Variants in GLRA1 observed in about 807,000 individuals in gnomAD.
The protein encoded by GLRA1 is glycine receptor subunit alpha-1.
A neutral mutation model predicts 48.3 loss-of-function variants in GLRA1; 37 were observed. The ratio of observed to expected loss-of-function variants is 0.77; its 90% CI spans 0.59 to 1.01. GLRA1 has a LOEUF of 1.01. Ranked by LOEUF, GLRA1 falls within the 50% of genes least tolerant of loss-of-function variation. GLRA1 has a pLI of 0.00. For missense variants in GLRA1, 427 were observed against 571.0 expected, an observed-to-expected ratio of 0.75 and a Z score of 2.57; for synonymous variants, 196 against 210.7, an observed-to-expected ratio of 0.93 and a Z score of 0.60.
intron 7 of GLRA1, chr5:151,850,632 G>A (rs576988233): frequency 5.7e-5 from 83 of 1,459,394 alleles, no homozygotes; most frequent in Non-Finnish European, 7.4e-5. Flanking sequence ...GCCAATCGTA[G>A]TGCCAACATA....
At chr5:151,883,583 G>A (rs747072865) in intron 3 of GLRA1, among the ~76,000 whole-genome samples, 2 of 152,250 alleles carry the variant, frequency 1.3e-5, no homozygotes, top group Admixed American at 6.5e-5. Context: ...TACACACGTG[G>A]TGAAGGAATC....
At chr5:151,858,199 C>T (rs1341083830) in intron 4 of GLRA1, among the ~76,000 whole-genome samples, 1 of 151,960 alleles carries the variant, frequency 6.6e-6, no homozygotes, top group African/African-American at 2.4e-5. Context: ...GGATGTGGGC[C>T]CCTTTAAGCA....
intron 1 of GLRA1, among the ~76,000 whole-genome samples, chr5:151,896,525 G>A (rs1754231014): frequency 6.6e-6 from 1 of 152,172 alleles, no homozygotes; most frequent in African/African-American, 2.4e-5. Context: ...TATATACACT[G>A]CTCTGAATTT....
At chr5:151,849,994 A>G (rs910903919) in intron 7 of GLRA1, 27 of 1,600,572 alleles carry the variant, frequency 1.7e-5, no homozygotes, top group Non-Finnish European at 1.8e-5. Flanking sequence ...GTACAACCGA[A>G]AGCCTGCAGT....
intron 3 of GLRA1, among the ~76,000 whole-genome samples, chr5:151,879,457 C>A (rs560298014): frequency 3.3e-5 from 5 of 152,210 alleles, no homozygotes; most frequent in African/African-American, 1.2e-4. Context: ...TGGGTTCAAG[C>A]AATTCTGCAG....
intron 7 of GLRA1, among the ~76,000 whole-genome samples, chr5:151,833,853 TTAAAC>T (rs1763494616): frequency 7.0e-6 from 1 of 143,074 alleles, no homozygotes; most frequent in African/African-American, 2.6e-5. Flanking sequence ...AAAACAGACT[TTAAAC>T]CAATAAAGAT....
rs1405777484 is a variant in GLRA1 at position 151,924,643 on chromosome 5, AT to A, written c.-95del. ...AAACCAGAAAGCGCTATTGCAAAAAATAATCCAGATGTTAAAGGGAGGCGGG... is the reference window on the plus strand; with the variant it reads ...AAACCAGAAAGCGCTATTGCAAAAAAAATCCAGATGTTAAAGGGAGGCGGG... On this transcript the variant is annotated 5_prime_UTR_variant, in exon 1 of 9. Transcript: ENST00000274576. 8 of 822,854 alleles carry A rather than the reference AT, an allele frequency of 9.7e-6. No individual in the cohort carries two copies. The highest frequency in any genetic ancestry group is 1.5e-5 in the Non-Finnish European group (7 of 457,480). The allele number at this position is 822,854 out of a possible 1,614,324, so 51.0% of individuals were successfully genotyped here.
chr5:151,904,583 A>G (rs1484204855), intron 1 of GLRA1, among the ~76,000 whole-genome samples: 3 of 152,186 alleles, frequency 2.0e-5, no homozygotes, highest in Non-Finnish European at 4.4e-5. Flanking sequence ...TTTTTGGCTG[A>G]AAAAGGGCAT....
chr5:151,851,837 G>T lies in GLRA1; in HGVS notation c.698-233C>A, dbSNP rs1023175832. Among the ~76,000 whole-genome samples the T allele has an allele frequency of 9.5e-4, 145 of 152,244 alleles. 1 individual carries two copies. The highest frequency in any genetic ancestry group is 1.5e-3 in the Non-Finnish European group (102 of 68,012). ...GATTAATGTGAGGATAAAATGAGAT[G>T]ATGCTTATGAAAAACTTAGCAGTCC... is the stretch of plus-strand genomic sequence containing the variant. On this transcript the variant is annotated intron_variant, in intron 6 of 8. Coordinates refer to ENST00000274576, the MANE Select transcript of GLRA1 (RefSeq NM_000171.4).
intron 1 of GLRA1, among the ~76,000 whole-genome samples, chr5:151,914,096 A>G (rs1754681188): frequency 6.6e-6 from 1 of 152,252 alleles, no homozygotes; most frequent in Non-Finnish European, 1.5e-5. Flanking sequence ...ACAAAATGAC[A>G]AACCAGCAGG....
At position 151,833,813 on chromosome 5, in the gene GLRA1, AAAGC is replaced by A. The variant is rs1379856544; in HGVS notation, c.913-4750_913-4747del. ...GTGGAAAGCAAAAAAAAAAAAAAAAAAAGCAGGGGTTGCAATCCTAGTTTCTGAT... is the reference window on the plus strand; with the variant it reads ...GTGGAAAGCAAAAAAAAAAAAAAAAAAGGGGTTGCAATCCTAGTTTCTGAT... On this transcript the variant is annotated intron_variant, in intron 7 of 8. Coordinates refer to ENST00000274576, the MANE Select transcript of GLRA1 (RefSeq NM_000171.4). 3.3e-5 allele frequency among the ~76,000 whole-genome samples: 5 copies of A among 151,174 alleles called. 1 individual carries two copies. The highest frequency in any genetic ancestry group is 1.2e-4 in the African/African-American group (5 of 41,226).
At chr5:151,826,874 G>C (rs1195739124) in intron 8 of GLRA1, among the ~76,000 whole-genome samples, 1 of 152,136 alleles carries the variant, frequency 6.6e-6, no homozygotes, top group African/African-American at 2.4e-5. Context: ...AGGGGCTGGT[G>C]CTAGTAAAAT....
intron 3 of GLRA1, among the ~76,000 whole-genome samples, chr5:151,878,803 CAGA>C (rs1465792410): frequency 6.6e-6 from 1 of 152,212 alleles, no homozygotes; most frequent in Non-Finnish European, 1.5e-5. Flanking sequence ...GCCTAGATTT[CAGA>C]AGGTGTATGG....
At chr5:151,827,407 A>G (rs1480010463) in intron 8 of GLRA1, among the ~76,000 whole-genome samples, 2 of 152,162 alleles carry the variant, frequency 1.3e-5, no homozygotes, top group Non-Finnish European at 2.9e-5. Flanking sequence ...CAGATTGCTG[A>G]TGTTTAAGAA....
intron 1 of GLRA1, among the ~76,000 whole-genome samples, chr5:151,910,017 T>G (rs1038917495): frequency 2.0e-5 from 3 of 152,234 alleles, no homozygotes; most frequent in African/African-American, 7.2e-5. Flanking sequence ...CCCAATTTTA[T>G]AATATAACTC....
intron 3 of GLRA1, among the ~76,000 whole-genome samples, chr5:151,863,929 C>T (rs977594875): frequency 1.2e-4 from 18 of 152,186 alleles, no homozygotes; most frequent in Admixed American, 9.8e-4. Flanking sequence ...ATTGCAGCCT[C>T]TCCCTCCAGC....
rs989389746 is a variant in GLRA1, at chr5:151,842,412, G to A, written c.912+8978C>T. On this transcript the variant is annotated intron_variant, in intron 7 of 8. Transcript: ENST00000274576. ...AGTGACATGTGAAAAAGAATTATAC[G>A]TTATGAGTAAGTGGGATGTATCCCA... Among the ~76,000 whole-genome samples the A allele has an allele frequency of 8.0e-5, 12 of 150,678 alleles. No homozygotes were observed. The East Asian group carries it at 1.4e-3, about 17-fold the overall frequency.
intron 1 of GLRA1, among the ~76,000 whole-genome samples, chr5:151,910,284 C>A (rs1051198053): frequency 2.0e-5 from 3 of 152,120 alleles, no homozygotes; most frequent in African/African-American, 7.2e-5. Flanking sequence ...CTGGCATCCT[C>A]TTTTATTAAA....
intron 3 of GLRA1, among the ~76,000 whole-genome samples, chr5:151,866,577 GA>G (rs1753342376): frequency 6.6e-6 from 1 of 152,142 alleles, no homozygotes; most frequent in Non-Finnish European, 1.5e-5. Context: ...GTAAACAAAA[GA>G]ACCAGATTCT....
Sources: allele counts gnomAD v4.1 joint callset (sites outside exome capture counted in the v4.1 genomes callset), GRCh38; gene constraint gnomAD v4.1.1; transcripts MANE v1.5; gene names NCBI Gene and HGNC (gene_info 2026-07-23, HGNC 2026-07-21).